The following CSMD1 variants were observed in gnomAD, a reference collection of about 807,000 sequenced individuals.
CSMD1 encodes CUB and sushi domain-containing protein 1.
CSMD1 carries 213 observed loss-of-function variants against 417.5 expected under a neutral mutation model. That is an observed-to-expected ratio of 0.51 (90% CI 0.46 to 0.57). The LOEUF is 0.57. Ranked by LOEUF, CSMD1 falls within the 20% of genes least tolerant of loss-of-function variation. The pLI, the probability that CSMD1 is intolerant of heterozygous loss-of-function variation, is 0.00. For missense variants in CSMD1, 6,923 were observed against 4,529.7 expected (o/e 1.53, Z -15.17); for synonymous variants, 2,862 against 1,736.8 (o/e 1.65, Z -16.11).
chr8:3,936,021 G>C (rs528305481), intron 5 of CSMD1, among the ~76,000 whole-genome samples: 2 of 152,128 alleles, frequency 1.3e-5, no homozygotes, highest in South Asian at 2.1e-4. Context: ...AAGGAAAACA[G>C]CCTTATTGCT....
chr8:3,983,634 T>C (rs1336600616), intron 5 of CSMD1, among the ~76,000 whole-genome samples: 5 of 152,202 alleles, frequency 3.3e-5, no homozygotes, highest in Non-Finnish European at 7.4e-5. Context: ...TTTCAAACCA[T>C]AGCCCACGTG....
chr8:2,956,873 A>G (rs1803048529), intron 63 of CSMD1, among the ~76,000 whole-genome samples: 1 of 152,028 alleles, frequency 6.6e-6, no homozygotes, highest in South Asian at 2.1e-4. Context: ...ATAAACATGC[A>G]TATATATATG....
At chr8:4,833,841 T>C (rs377112772) in intron 1 of CSMD1, among the ~76,000 whole-genome samples, 1 of 152,218 alleles carries the variant, frequency 6.6e-6, no homozygotes, top group Non-Finnish European at 1.5e-5. Context: ...GCAAGTTGGC[T>C]ACGTTGGCTA....
intron 5 of CSMD1, among the ~76,000 whole-genome samples, chr8:3,928,865 T>A (rs73501854): frequency 0.029 from 3,641 of 126,602 alleles, 242 homozygotes; most frequent in African/African-American, 0.087. Context: ...GTAGGAGAAA[T>A]GTCATGGAGC....
At chr8:3,704,598 G>A (rs1344530744) in intron 7 of CSMD1, 1 of 152,224 alleles carries the variant, frequency 6.6e-6, no homozygotes, top group Non-Finnish European at 1.5e-5. Flanking sequence ...ACCCATTTGA[G>A]ATCCCCTCTG....
intron 26 of CSMD1, among the ~76,000 whole-genome samples, chr8:3,255,589 T>C (rs1800591505): frequency 6.6e-6 from 1 of 152,176 alleles, no homozygotes; most frequent in African/African-American, 2.4e-5. Context: ...CTCCCAGCCT[T>C]GCTGCAGCCC....
intron 49 of CSMD1, among the ~76,000 whole-genome samples, chr8:3,065,737 G>C (rs1427569939): frequency 6.6e-6 from 1 of 152,182 alleles, no homozygotes; most frequent in Non-Finnish European, 1.5e-5. Flanking sequence ...CAAAGCATCT[G>C]ATAAGTATTT....
chr8:3,636,173 C>T (rs754822903), intron 7 of CSMD1, among the ~76,000 whole-genome samples: 17 of 152,194 alleles, frequency 1.1e-4, no homozygotes, highest in Non-Finnish European at 1.6e-4. Flanking sequence ...ATCAACATGA[C>T]TTCTTCCATC....
intron 49 of CSMD1, among the ~76,000 whole-genome samples, chr8:3,085,877 G>A (rs1047796772): frequency 1.3e-5 from 2 of 152,072 alleles, no homozygotes; most frequent in East Asian, 1.9e-4. Context: ...GTCCCTCTCC[G>A]GACCCCTTTG....
chr8:4,191,456 T>A (rs771520407), intron 3 of CSMD1, among the ~76,000 whole-genome samples: 6 of 152,032 alleles, frequency 3.9e-5, no homozygotes, highest in Non-Finnish European at 1.5e-5. Flanking sequence ...CTAAAAAAAA[T>A]TGAACAAGAT....
intron 5 of CSMD1, among the ~76,000 whole-genome samples, chr8:3,873,525 G>A (rs1041190986): frequency 1.3e-5 from 2 of 151,940 alleles, no homozygotes; most frequent in East Asian, 3.9e-4. Context: ...GACACATAAA[G>A]GGAAAAACAG....
chr8:4,355,399 C>T (rs1006555868), intron 3 of CSMD1, among the ~76,000 whole-genome samples: 1 of 151,858 alleles, frequency 6.6e-6, no homozygotes. Flanking sequence ...TAAGAGTGTT[C>T]TTAACAGAAG....
chr8:3,483,893 T>C lies in CSMD1; in HGVS notation c.1448+9730A>G, dbSNP rs113682987. On this transcript the variant is annotated intron_variant, in intron 11 of 69. Coordinates refer to ENST00000635120, the MANE Select transcript of CSMD1 (RefSeq NM_033225.6). ...AGAAGAGGCTAAAGAAAGAACATGATATATCAGCTAATGCCAAAAAAGAAA... is the reference window on the plus strand; with the variant it reads ...AGAAGAGGCTAAAGAAAGAACATGACATATCAGCTAATGCCAAAAAAGAAA... 3.0e-3 allele frequency among the ~76,000 whole-genome samples: 455 copies of C among 152,308 alleles called. 2 individuals are homozygous for C. Among genetic ancestry groups the C allele is most frequent in the Non-Finnish European group, 5.6e-3 (382 of 68,020 alleles).
intron 1 of CSMD1, among the ~76,000 whole-genome samples, chr8:4,732,654 G>A (rs547707876): frequency 9.9e-5 from 15 of 152,150 alleles, no homozygotes; most frequent in Admixed American, 2.6e-4. Flanking sequence ...GAGCTCATCT[G>A]GGCAGCCACA....
intron 2 of CSMD1, among the ~76,000 whole-genome samples, chr8:4,600,664 T>C (rs1198295622): frequency 6.6e-6 from 1 of 152,130 alleles, no homozygotes; most frequent in Non-Finnish European, 1.5e-5. Context: ...AGATAAGAAA[T>C]TGACAAAATT....
At chr8:4,754,509 A>G (rs150369779) in intron 1 of CSMD1, among the ~76,000 whole-genome samples, 114 of 151,064 alleles carry the variant, frequency 7.5e-4, no homozygotes, top group Middle Eastern at 3.4e-3. Flanking sequence ...GCATAAATGC[A>G]CTCCCAAAAT....
In CSMD1 at chr8:3,277,366, C is replaced by T. The variant is rs117590530; in HGVS notation, c.4153+6778G>A. Among the ~76,000 whole-genome samples the T allele has an allele frequency of 1.7e-3, 252 of 152,220 alleles. 1 individual carries two copies. Among genetic ancestry groups the T allele is most frequent in the East Asian group, 1.7e-3 (9 of 5,160 alleles). On this transcript the variant is annotated intron_variant, in intron 26 of 69. Coordinates refer to ENST00000635120, the MANE Select transcript of CSMD1 (RefSeq NM_033225.6). ...CTGTGCGCAGGTGGGCCAGAAAGTACGCAGGTGCATGAAGAAGGAAGCCCG... is the reference window on the plus strand; with the variant it reads ...CTGTGCGCAGGTGGGCCAGAAAGTATGCAGGTGCATGAAGAAGGAAGCCCG...
At chr8:3,230,307 G>C (rs1243532816) in intron 26 of CSMD1, 76 bp from the exon 27 acceptor site, 1 of 1,209,692 alleles carries the variant, frequency 8.3e-7, no homozygotes, top group Non-Finnish European at 1.1e-6. Flanking sequence ...GGTTGTTCTT[G>C]TGGGTTGAAG....
intron 5 of CSMD1, among the ~76,000 whole-genome samples, chr8:3,854,192 A>C (rs1804131657): frequency 6.7e-6 from 1 of 149,012 alleles, no homozygotes; most frequent in African/African-American, 2.4e-5. Context: ...GAAATGGACC[A>C]ATTCTCATGC....
Sources: allele counts gnomAD v4.1 joint callset (sites outside exome capture counted in the v4.1 genomes callset), GRCh38; gene constraint gnomAD v4.1.1; transcripts MANE v1.5; gene names NCBI Gene and HGNC (gene_info 2026-07-23, HGNC 2026-07-21).